PDE1A: variants seen among roughly 807,000 people sequenced by gnomAD.
The protein encoded by PDE1A is phosphodiesterase 1A.
In PDE1A, 35 loss-of-function variants were observed where a neutral mutation model predicts 61.7. The ratio of observed to expected loss-of-function variants is 0.57; its 90% CI spans 0.43 to 0.75. The LOEUF is 0.75. PDE1A is among the 30% of genes least tolerant of loss of function. The pLI, the probability that PDE1A is intolerant of heterozygous loss-of-function variation, is 0.00. For synonymous variants in PDE1A, 232 were observed against 213.2 expected (o/e 1.09, Z -0.77); for missense variants, 597 against 630.6 (o/e 0.95, Z 0.57).
In PDE1A at chr2:182,340,873, C is replaced by T. The variant is rs115848934; in HGVS notation, c.54-76459G>A. 4.1e-3 allele frequency among the ~76,000 whole-genome samples: 623 copies of T among 152,242 alleles called. 4 individuals are homozygous for T. The highest frequency in any genetic ancestry group is 0.014 in the African/African-American group (579 of 41,538). ...GTTGTAGAATCATGGATAAATCAAA[C>T]GGATCTTCTAGGTCTCAGAATTCTC... On this transcript the variant is annotated intron_variant, in intron 1 of 13. Transcript: ENST00000351439.
intron 1 of PDE1A, among the ~76,000 whole-genome samples, chr2:182,265,758 A>G (rs2125795473): frequency 6.6e-6 from 1 of 152,282 alleles, no homozygotes; most frequent in Admixed American, 6.5e-5. Context: ...GCTCTTTACC[A>G]AGTACAAAAG....
At chr2:182,394,462 C>T (rs541244510) in intron 1 of PDE1A, among the ~76,000 whole-genome samples, 1 of 152,188 alleles carries the variant, frequency 6.6e-6, no homozygotes, top group Non-Finnish European at 1.5e-5. Context: ...ATGGGAGCTA[C>T]AATTCAAGAT....
chr2:182,562,806 T>G, the PDE1A span, among the ~76,000 whole-genome samples: 1 of 152,210 alleles, frequency 6.6e-6, no homozygotes, highest in Non-Finnish European at 1.5e-5. Context: ...GTCAAGGAAT[T>G]TATCCATTTC....
chr2:182,428,782 C>T (rs1161180933), upstream of PDE1A, among the ~76,000 whole-genome samples: 5 of 152,072 alleles, frequency 3.3e-5, no homozygotes, highest in Admixed American at 2.6e-4. Context: ...CATAAATCTT[C>T]CTCCTGAGGG....
chr2:182,220,848 G>A (rs1347406801), intron 7 of PDE1A, among the ~76,000 whole-genome samples: 1 of 151,852 alleles, frequency 6.6e-6, no homozygotes, highest in Non-Finnish European at 1.5e-5. Context: ...AATGACATAT[G>A]ACCTTATTTC....
intron 2 of PDE1A, among the ~76,000 whole-genome samples, chr2:182,466,020 T>G (rs1310312018): frequency 1.3e-5 from 2 of 152,054 alleles, no homozygotes; most frequent in East Asian, 3.9e-4. Flanking sequence ...GTAAAGAATT[T>G]TAAGGTGTTG....
intron 13 of PDE1A, among the ~76,000 whole-genome samples, chr2:182,180,011 G>A (rs777027373): frequency 2.6e-5 from 4 of 152,096 alleles, no homozygotes; most frequent in Non-Finnish European, 4.4e-5. Context: ...ATATTCCAAA[G>A]CTCTAAACAT....
chr2:182,226,897 CAAAG>C (rs1689186260), intron 6 of PDE1A, among the ~76,000 whole-genome samples: 1 of 139,176 alleles, frequency 7.2e-6, no homozygotes, highest in African/African-American at 3.4e-5. Context: ...ATAACAGAAA[CAAAG>C]GAAGGGAATT....
chr2:182,250,690 C>A (rs1364540435), intron 2 of PDE1A, among the ~76,000 whole-genome samples: 2 of 152,024 alleles, frequency 1.3e-5, no homozygotes, highest in East Asian at 1.9e-4. Context: ...GAAGACTGAA[C>A]TTTTGGGTGG....
chr2:182,608,730 C>T, the PDE1A span, among the ~76,000 whole-genome samples: 1 of 152,232 alleles, frequency 6.6e-6, no homozygotes, highest in Admixed American at 6.5e-5. Flanking sequence ...CAGCGCCGCC[C>T]CCTGCTCCAC....
intron 13 of PDE1A, among the ~76,000 whole-genome samples, chr2:182,177,877 T>G (rs899298191): frequency 6.6e-6 from 1 of 152,196 alleles, no homozygotes; most frequent in African/African-American, 2.4e-5. Flanking sequence ...TTAAATCACT[T>G]AAATTCAAAG....
the PDE1A span, among the ~76,000 whole-genome samples, chr2:182,606,917 A>C: frequency 2.0e-5 from 3 of 152,230 alleles, no homozygotes; most frequent in African/African-American, 7.2e-5. Flanking sequence ...GCACAAAGCC[A>C]GTCACTGAGA....
intron 10 of PDE1A, among the ~76,000 whole-genome samples, chr2:182,193,760 T>C (rs1344621770): frequency 6.6e-6 from 1 of 152,178 alleles, no homozygotes; most frequent in African/African-American, 2.4e-5. Context: ...TATGGAATAT[T>C]AGAACCCCTG....
intron 6 of PDE1A, among the ~76,000 whole-genome samples, chr2:182,225,064 G>A (rs1032511530): frequency 1.3e-5 from 2 of 151,966 alleles, no homozygotes; most frequent in Admixed American, 6.6e-5. Flanking sequence ...GCAGAATAAA[G>A]ATGCAATTTA....
chr2:182,342,763 T>C (rs1698275605), intron 1 of PDE1A, among the ~76,000 whole-genome samples: 1 of 152,212 alleles, frequency 6.6e-6, no homozygotes, highest in African/African-American at 2.4e-5. Flanking sequence ...ATAGAAATAG[T>C]CATCATTTAT....
intron 13 of PDE1A, among the ~76,000 whole-genome samples, chr2:182,184,153 A>G (rs1186762808): frequency 6.6e-6 from 1 of 152,070 alleles, no homozygotes; most frequent in Admixed American, 6.5e-5. Context: ...GAACAGAGAG[A>G]AAGAGGCAGA....
At chr2:182,379,895 G>C (rs537079003) in intron 1 of PDE1A, among the ~76,000 whole-genome samples, 1 of 152,196 alleles carries the variant, frequency 6.6e-6, no homozygotes, top group Non-Finnish European at 1.5e-5. Context: ...CACAGGCAAA[G>C]CTGGAAATTC....
intron 7 of PDE1A, among the ~76,000 whole-genome samples, chr2:182,213,029 T>G (rs1687789614): frequency 6.7e-6 from 1 of 149,956 alleles, no homozygotes; most frequent in African/African-American, 2.5e-5. Flanking sequence ...CTGACAGCTT[T>G]GAAGAGAGCA....
At chr2:182,464,817 G>T (rs1215531590) in intron 2 of PDE1A, among the ~76,000 whole-genome samples, 1 of 152,038 alleles carries the variant, frequency 6.6e-6, no homozygotes, top group Non-Finnish European at 1.5e-5. Flanking sequence ...TCTTGCTCAA[G>T]TCAGACCAGG....
Sources: allele counts gnomAD v4.1 joint callset (sites outside exome capture counted in the v4.1 genomes callset), GRCh38; gene constraint gnomAD v4.1.1; transcripts MANE v1.5; gene names NCBI Gene and HGNC (gene_info 2026-07-23, HGNC 2026-07-21).